The following FRMD5 variants were observed in gnomAD, a reference collection of about 807,000 sequenced individuals.
FRMD5 encodes FERM domain containing 5.
In FRMD5, 20 loss-of-function variants were observed where a neutral mutation model predicts 69.0. That is an observed-to-expected ratio of 0.29 (90% confidence interval 0.20 to 0.42). The LOEUF (loss-of-function observed/expected upper bound fraction) is 0.42. Among genes scored for constraint, FRMD5 ranks in the 10% least tolerant of loss-of-function variants. The pLI, the probability that FRMD5 is intolerant of heterozygous loss-of-function variation, is 1.00. For missense variants in FRMD5, 595 were observed against 708.6 expected, an observed-to-expected ratio of 0.84 and a Z score of 1.82; for synonymous variants, 271 against 260.1, an observed-to-expected ratio of 1.04 and a Z score of -0.40.
intron 1 of FRMD5, among the ~76,000 whole-genome samples, chr15:44,178,960 C>T (rs2077949890): frequency 1.3e-5 from 2 of 151,290 alleles, no homozygotes; most frequent in African/African-American, 2.4e-5. Context: ...CCACTGTACT[C>T]CAGCCTGGGC....
intron 1 of FRMD5, among the ~76,000 whole-genome samples, chr15:44,188,234 G>A (rs1261724399): frequency 2.6e-5 from 4 of 152,108 alleles, no homozygotes; most frequent in Admixed American, 1.3e-4. Context: ...GTATAATGAC[G>A]CACTGCAGAA....
At chr15:43,888,106 C>T in intron 10 of FRMD5, 69 bp downstream of exon 10, 1 of 1,245,720 alleles carries the variant, frequency 8.0e-7, no homozygotes, top group Non-Finnish European at 1.2e-6. Context: ...GGGCACTTGG[C>T]CTCCTGTCAC....
intron 1 of FRMD5, among the ~76,000 whole-genome samples, chr15:43,954,536 C>A (rs571500396): frequency 1.3e-5 from 2 of 152,202 alleles, no homozygotes; most frequent in Non-Finnish European, 2.9e-5. Context: ...GACTCTCACC[C>A]AACACCATCC....
intron 1 of FRMD5, chr15:43,989,058 C>T (rs749101296): frequency 1.2e-4 from 104 of 869,756 alleles, no homozygotes; most frequent in Non-Finnish European, 1.7e-4. Context: ...AGTCACAGTC[C>T]GCCTAGAAGC....
chr15:43,940,221 G>A (rs1222020370), intron 1 of FRMD5, among the ~76,000 whole-genome samples: 1 of 152,150 alleles, frequency 6.6e-6, no homozygotes, highest in Admixed American at 6.5e-5. Flanking sequence ...TAAAAAGTGC[G>A]TGGCATCAGA....
chr15:43,890,680 G>A (rs772027992), intron 8 of FRMD5, among the ~76,000 whole-genome samples: 21 of 152,168 alleles, frequency 1.4e-4, no homozygotes, highest in Admixed American at 7.9e-4. Flanking sequence ...GAAGTGGGCC[G>A]ACTTGAGGAT....
intron 1 of FRMD5, among the ~76,000 whole-genome samples, chr15:44,177,911 T>C (rs372600752): frequency 6.6e-6 from 1 of 152,222 alleles, no homozygotes; most frequent in African/African-American, 2.4e-5. Context: ...TACAGGGTGC[T>C]GAAAATATTC....
At chr15:44,037,689 T>C (rs1025218083) in intron 1 of FRMD5, among the ~76,000 whole-genome samples, 2 of 151,500 alleles carry the variant, frequency 1.3e-5, no homozygotes, top group African/African-American at 4.9e-5. Flanking sequence ...GACCAGGAAA[T>C]GGTCTTGATC....
intron 1 of FRMD5, among the ~76,000 whole-genome samples, chr15:44,069,518 C>CGTGT (rs1893444553): frequency 6.6e-6 from 1 of 152,008 alleles, no homozygotes; most frequent in African/African-American, 2.4e-5. Context: ...ACTCAACAAC[C>CGTGT]TACATTAATC....
intron 1 of FRMD5, among the ~76,000 whole-genome samples, chr15:44,006,956 A>C (rs1210219289): frequency 6.6e-6 from 1 of 152,244 alleles, no homozygotes; most frequent in Admixed American, 6.5e-5. Flanking sequence ...GGTAAAATGC[A>C]GTTAAACAGC....
chr15:43,955,851 G>C (rs2090106899), intron 1 of FRMD5, among the ~76,000 whole-genome samples: 1 of 151,030 alleles, frequency 6.6e-6, no homozygotes, highest in Non-Finnish European at 1.5e-5. Flanking sequence ...GGCTATACAA[G>C]AGAACCAAAA....
intron 1 of FRMD5, among the ~76,000 whole-genome samples, chr15:43,997,917 T>C (rs1393328848): frequency 2.0e-5 from 3 of 152,212 alleles, no homozygotes; most frequent in African/African-American, 7.2e-5. Context: ...CTACTTCCAG[T>C]AGGCCTCTTA....
chr15:43,874,447 C>T lies in FRMD5; in HGVS notation c.1151G>A (p.Arg384Gln), dbSNP rs367941749. ...ISIMEGLESL[R>Q]DSAHSTPVRS... is the part of the protein sequence containing the mutation. ...CACTGGTGTGGAATGGGCACTGTCC[C>T]GTAAGGACTCTAGGCCTAGAAAGGC... Residue 384 changes from arginine to glutamine, a missense_variant, in exon 14 of 14, where the codon CGG (arginine) becomes CAG (glutamine). By Grantham distance (43) the Arg-to-Gln change is conservative. Around this residue, in one of 5 missense-constraint regions of FRMD5, gnomAD observed 176 missense variants for 266.3 expected, o/e 0.66. Transcript: ENST00000417257. 53 of 1,613,946 alleles carry T rather than the reference C, an allele frequency of 3.3e-5. No individual in the cohort carries two copies. Among genetic ancestry groups the T allele is most frequent in the Middle Eastern group, 1.6e-4 (1 of 6,084 alleles).
intron 2 of FRMD5, among the ~76,000 whole-genome samples, chr15:43,922,295 C>T (rs1458175648): frequency 6.6e-6 from 1 of 152,174 alleles, no homozygotes; most frequent in Non-Finnish European, 1.5e-5. Flanking sequence ...ATCTGGATAA[C>T]AGATATTATC....
intron 7 of FRMD5, among the ~76,000 whole-genome samples, chr15:43,901,121 G>GA (rs1243310885): frequency 6.6e-6 from 1 of 152,152 alleles, no homozygotes; most frequent in Non-Finnish European, 1.5e-5. Context: ...ACAGAGGGAA[G>GA]AAAGCGTGAA....
intron 1 of FRMD5, among the ~76,000 whole-genome samples, chr15:44,153,101 C>T (rs2077472204): frequency 2.0e-5 from 3 of 152,090 alleles, no homozygotes; most frequent in Admixed American, 1.3e-4. Context: ...AACTCTTATG[C>T]ACTATTGGTG....
Position 44,001,168 on chromosome 15 carries a change from A to C in FRMD5, c.103-76859T>G, listed in dbSNP as rs1403234980. Among the ~76,000 whole-genome samples, 5 of 152,310 alleles carry C rather than the reference A, an allele frequency of 3.3e-5. No individual in the cohort carries two copies. The East Asian group carries it at 9.6e-4, about 29-fold the overall frequency. On this transcript the variant is annotated intron_variant, in intron 1 of 13. Coordinates refer to ENST00000417257, the MANE Select transcript of FRMD5 (RefSeq NM_032892.5). ...TCCCTAATGATCAGTGATGTTGAAC[A>C]CCTTTTCATATACTTGTTGACCATT... is the stretch of plus-strand genomic sequence containing the variant.
At chr15:44,043,598 C>G (rs542316811) in intron 1 of FRMD5, among the ~76,000 whole-genome samples, 32 of 152,238 alleles carry the variant, frequency 2.1e-4, no homozygotes, top group Non-Finnish European at 4.3e-4. Flanking sequence ...TGGAACAGAA[C>G]AGAGGCCTCA....
At chr15:43,990,073 C>T (rs538683537) in intron 1 of FRMD5, 106 of 705,384 alleles carry the variant, frequency 1.5e-4, no homozygotes, top group African/African-American at 1.3e-3. Context: ...GTGTCTGGGG[C>T]GCCCCACAAT....
Sources: allele counts gnomAD v4.1 joint callset (sites outside exome capture counted in the v4.1 genomes callset), GRCh38; gene constraint gnomAD v4.1.1; regional missense constraint gnomAD v4.1.1; transcripts MANE v1.5; gene names NCBI Gene and HGNC (gene_info 2026-07-23, HGNC 2026-07-21).